The following AGMO variants were observed in gnomAD, a reference collection of about 807,000 sequenced individuals.
AGMO encodes glyceryl-ether monooxygenase.
In AGMO, 75 loss-of-function variants were observed where a neutral mutation model predicts 60.2. The observed-to-expected ratio is 1.25, with a 90% CI of 1.03 to 1.51. AGMO has a LOEUF of 1.51. Ranked by LOEUF, AGMO falls within the 40% of genes most tolerant of loss-of-function variation. The pLI is 0.00. For missense variants in AGMO, 763 were observed against 525.5 expected, an observed-to-expected ratio of 1.45 and a Z score of -4.42; for synonymous variants, 261 against 177.1, an observed-to-expected ratio of 1.47 and a Z score of -3.76.
At chr7:15,131,116 T>C in the AGMO span, among the ~76,000 whole-genome samples, 1 of 152,090 alleles carries the variant, frequency 6.6e-6, no homozygotes, top group African/African-American at 2.4e-5. Flanking sequence ...TGGAAACATA[T>C]ATCAGAAGGA....
At chr7:15,138,296 A>AAGTAATGG in the AGMO span, among the ~76,000 whole-genome samples, 1 of 152,200 alleles carries the variant, frequency 6.6e-6, no homozygotes, top group Non-Finnish European at 1.5e-5. Flanking sequence ...TGAAGTTAGA[A>AAGTAATGG]AGTAATGGCG....
At chr7:15,213,919 A>C (rs547229035) in intron 12 of AGMO, among the ~76,000 whole-genome samples, 2 of 152,072 alleles carry the variant, frequency 1.3e-5, no homozygotes, top group African/African-American at 4.8e-5. Context: ...GAGTGCTTCA[A>C]GGACAACAGA....
At position 15,200,349 on chromosome 7, in the gene AGMO, T is replaced by A. The variant is rs1244679933; in HGVS notation, c.*936A>T. 1 of 152,244 alleles carries A rather than the reference T, an allele frequency of 6.6e-6. No individual in the cohort carries two copies. Among genetic ancestry groups the A allele is most frequent in the Non-Finnish European group, 1.5e-5 (1 of 68,034 alleles). The allele number at this position is 152,244 out of a possible 1,614,324, so 9.4% of individuals were successfully genotyped here. A position where few individuals can be genotyped will look rare whatever the true frequency, so the allele number is the denominator to read the frequency against. On this transcript the variant is annotated 3_prime_UTR_variant, in exon 13 of 13. Coordinates refer to ENST00000342526, the MANE Select transcript of AGMO (RefSeq NM_001004320.2). ...GGTAATTTTATTTAGAGAATTAACATTGTTCTGATAACTTTAAATAATGCA... is the reference window on the plus strand; with the variant it reads ...GGTAATTTTATTTAGAGAATTAACAATGTTCTGATAACTTTAAATAATGCA...
chr7:15,371,375 C>G (rs114522422), intron 10 of AGMO, among the ~76,000 whole-genome samples: 302 of 151,718 alleles, frequency 2.0e-3, no homozygotes, highest in African/African-American at 6.7e-3. Flanking sequence ...CACATGCTAC[C>G]GTGCGCACAG....
intron 12 of AGMO, among the ~76,000 whole-genome samples, chr7:15,229,228 T>A (rs1391862422): frequency 6.6e-6 from 1 of 151,988 alleles, no homozygotes; most frequent in Non-Finnish European, 1.5e-5. Context: ...GGGATCAAAT[T>A]AGGGAATTTC....
At chr7:15,381,878 G>A (rs1201879372) in intron 10 of AGMO, among the ~76,000 whole-genome samples, 1 of 152,106 alleles carries the variant, frequency 6.6e-6, no homozygotes, top group East Asian at 1.9e-4. Flanking sequence ...GCATGAACAT[G>A]GATGGAGCTG....
chr7:15,265,133 T>C (rs185750599), intron 12 of AGMO, among the ~76,000 whole-genome samples: 1 of 152,192 alleles, frequency 6.6e-6, no homozygotes, highest in East Asian at 1.9e-4. Flanking sequence ...TCTTTTCAAA[T>C]AAGATGGATG....
In AGMO at chr7:15,558,023, C is replaced by A. The variant is rs140170674; in HGVS notation, c.257+2118G>T. On this transcript the variant is annotated intron_variant, in intron 2 of 12. Coordinates refer to ENST00000342526, the MANE Select transcript of AGMO (RefSeq NM_001004320.2). ...TCTCTCTCTCTCTCTCTCTCTCCCC[C>A]CTTTCCCCTTTCTCTCTGCTTTTTG... 7.8e-4 allele frequency among the ~76,000 whole-genome samples: 117 copies of A among 150,634 alleles called. 1 individual carries two copies. In the East Asian group the frequency reaches 0.018, roughly 23 times the overall value.
intron 12 of AGMO, among the ~76,000 whole-genome samples, chr7:15,314,351 G>A (rs570914157): frequency 1.8e-4 from 28 of 152,172 alleles, no homozygotes; most frequent in Admixed American, 9.8e-4. Flanking sequence ...CTACAGTAAT[G>A]ATATAATTGA....
chr7:15,365,448 T>C, intron 12 of AGMO, 66 bp downstream of exon 12: 1 of 994,900 alleles, frequency 1.0e-6, no homozygotes, highest in Non-Finnish European at 1.5e-6. Flanking sequence ...AAAACATCCT[T>C]GAATGAATAA....
chr7:15,334,134 C>A (rs1340894556), intron 12 of AGMO, among the ~76,000 whole-genome samples: 1 of 151,784 alleles, frequency 6.6e-6, no homozygotes, highest in Non-Finnish European at 1.5e-5. Context: ...AAACTCATAA[C>A]AAAGGCTTTA....
At chr7:15,560,377 C>T in intron 1 of AGMO, 106 bp from the exon 2 acceptor site, 3 of 1,237,750 alleles carry the variant, frequency 2.4e-6, no homozygotes, top group Non-Finnish European at 3.3e-6. Context: ...TTTGGGAAGC[C>T]CTGCAGGAGA....
At chr7:15,323,470 T>C (rs1227257246) in intron 12 of AGMO, among the ~76,000 whole-genome samples, 1 of 152,134 alleles carries the variant, frequency 6.6e-6, no homozygotes, top group African/African-American at 2.4e-5. Flanking sequence ...ACAATAAATA[T>C]GTCATATGGA....
At chr7:15,288,105 GCTCCGCCTC>G (rs1428202151) in intron 12 of AGMO, among the ~76,000 whole-genome samples, 1 of 151,800 alleles carries the variant, frequency 6.6e-6, no homozygotes, top group African/African-American at 2.4e-5. Flanking sequence ...CTCGCCGCAA[GCTCCGCCTC>G]CCGGGTTCAC....
the AGMO span, among the ~76,000 whole-genome samples, chr7:15,143,707 TTGAAAC>T: frequency 6.6e-6 from 1 of 151,264 alleles, no homozygotes; most frequent in Non-Finnish European, 1.5e-5. Context: ...TTTTTTTTAC[TTGAAAC>T]ACATGTAAAA....
In AGMO at chr7:15,224,292, G is replaced by C. The variant is rs577760309; in HGVS notation, c.1264-22933C>G. Among the ~76,000 whole-genome samples the C allele has an allele frequency of 3.4e-4, 52 of 152,134 alleles. 2 individuals are homozygous for C. The South Asian group carries it at 0.01, about 30-fold the overall frequency. On this transcript the variant is annotated intron_variant, in intron 12 of 12. Coordinates refer to ENST00000342526, the MANE Select transcript of AGMO (RefSeq NM_001004320.2). ...ATTTGTGTCCACCCTCACAAATACA[G>C]ATGTTGAAATCCTAACACCAAACTG... is the stretch of plus-strand genomic sequence containing the variant.
At chr7:15,403,011 GA>G (rs1053769881) in intron 5 of AGMO, among the ~76,000 whole-genome samples, 6 of 151,206 alleles carry the variant, frequency 4.0e-5, no homozygotes, top group Non-Finnish European at 8.9e-5. Context: ...AACTGTATCA[GA>G]AAAAAAAGAT....
chr7:15,551,249 A>T (rs1483280594), intron 2 of AGMO, among the ~76,000 whole-genome samples: 1 of 152,150 alleles, frequency 6.6e-6, no homozygotes, highest in Non-Finnish European at 1.5e-5. Flanking sequence ...TCCCTTTGAA[A>T]ACTGGCATAA....
chr7:15,386,563 T>C (rs56712929), intron 9 of AGMO, among the ~76,000 whole-genome samples: 11,212 of 152,250 alleles, frequency 0.074, 1,396 homozygotes, highest in African/African-American at 0.25. Flanking sequence ...GGGAAACTTA[T>C]TCCTAGCGGC....
Sources: allele counts gnomAD v4.1 joint callset (sites outside exome capture counted in the v4.1 genomes callset), GRCh38; gene constraint gnomAD v4.1.1; transcripts MANE v1.5; gene names NCBI Gene and HGNC (gene_info 2026-07-23, HGNC 2026-07-21).